SHROOM3: variants seen among roughly 807,000 people sequenced by gnomAD.
SHROOM3 encodes the protein shroom family member 3.
In SHROOM3, 47 loss-of-function variants were observed where a neutral mutation model predicts 138.6. The ratio of observed to expected loss-of-function variants is 0.34; its 90% CI spans 0.27 to 0.43. The LOEUF (loss-of-function observed/expected upper bound fraction) is 0.43, where lower values mean the gene tolerates loss of function less well. Among genes scored for constraint, SHROOM3 ranks in the 20% least tolerant of loss-of-function variants. SHROOM3 has a pLI of 1.00. For missense variants in SHROOM3, 2,491 were observed against 2,596.5 expected (o/e 0.96, Z 0.88); for synonymous variants, 1,062 against 1,063.3 (o/e 1.00, Z 0.02).
chr4:76,759,148 C>T (rs890051178), intron 8 of SHROOM3, among the ~76,000 whole-genome samples: 2 of 152,156 alleles, frequency 1.3e-5, no homozygotes, highest in African/African-American at 4.8e-5. Context: ...GACCTAAAAC[C>T]TGAGGTTTGT....
At chr4:76,460,502 A>T (rs1731118222) in intron 1 of SHROOM3, among the ~76,000 whole-genome samples, 1 of 152,178 alleles carries the variant, frequency 6.6e-6, no homozygotes, top group African/African-American at 2.4e-5. Context: ...AAAATGCCGC[A>T]GACTGGGTAG....
intron 3 of SHROOM3, among the ~76,000 whole-genome samples, chr4:76,718,962 G>T (rs913945521): frequency 2.6e-5 from 4 of 152,142 alleles, no homozygotes; most frequent in Non-Finnish European, 4.4e-5. Flanking sequence ...AAGGAGGAAG[G>T]TTTCCTGCTT....
In SHROOM3 at chr4:76,756,462, T is replaced by C. The variant is rs1408013627; in HGVS notation, c.4723T>C (p.Ser1575Pro). The part of the protein sequence containing the change: ...EGPRPSFNKL[S>P]KVTIARERHM... ...TATCCCTGGCAGCTTCAACAAACTT[T>C]CTAAAGTGACAATTGCAAGGGAAAG... The change falls in exon 8 of 11, where the codon TCT becomes CCT. Residue 1575 changes from serine (S) to proline (P), a missense_variant. Around this residue, in one of 4 missense-constraint regions of SHROOM3, gnomAD observed 470 missense variants for 595.0 expected, o/e 0.79. Transcript: ENST00000296043. The C allele has an allele frequency of 5.0e-6, 8 of 1,612,384 alleles. No homozygotes were observed. Among genetic ancestry groups the C allele is most frequent in the Middle Eastern group, 1.7e-4 (1 of 5,934 alleles).
chr4:76,556,981 A>G (rs1395679581), intron 2 of SHROOM3, among the ~76,000 whole-genome samples: 1 of 152,142 alleles, frequency 6.6e-6, no homozygotes, highest in Non-Finnish European at 1.5e-5. Context: ...TCTGGTGGTC[A>G]GTGATGCAGA....
At chr4:76,638,518 T>C (rs1250755052) in intron 2 of SHROOM3, among the ~76,000 whole-genome samples, 1 of 152,160 alleles carries the variant, frequency 6.6e-6, no homozygotes, top group Non-Finnish European at 1.5e-5. Flanking sequence ...TGCTGCATTA[T>C]GCCTGAGTGA....
At chr4:76,772,093 TTTTC>T (rs1722379756) in intron 10 of SHROOM3, among the ~76,000 whole-genome samples, 6 of 141,896 alleles carry the variant, frequency 4.2e-5, no homozygotes, top group South Asian at 2.3e-4. Context: ...CTACCATCTT[TTTTC>T]TTTTTCTTTT....
Position 76,562,854 on chromosome 4 carries a change from A to G in SHROOM3, c.323+7091A>G, listed in dbSNP as rs148299944. Among the ~76,000 whole-genome samples, 881 of 152,378 alleles carry G rather than the reference A, an allele frequency of 5.8e-3. 4 individuals are homozygous for G. Among genetic ancestry groups the G allele is most frequent in the African/African-American group, 0.02 (835 of 41,594 alleles). ...CAGAACTCCCTATTTTTAAGGCAAT[A>G]AAGTTGACAGGAAGGGTTGAAACTT... On this transcript the variant is annotated intron_variant, in intron 2 of 10. Coordinates refer to ENST00000296043, the MANE Select transcript of SHROOM3 (RefSeq NM_020859.4).
chr4:76,756,238 G>A (rs556839865), intron 7 of SHROOM3, among the ~76,000 whole-genome samples: 3 of 152,106 alleles, frequency 2.0e-5, no homozygotes, highest in East Asian at 1.9e-4. Context: ...TTTTAGTTTC[G>A]GGGTTCAGTA....
chr4:76,487,575 T>TTGGAACACAGACAGTATTCA (rs1560521585), intron 1 of SHROOM3, among the ~76,000 whole-genome samples: 1 of 152,102 alleles, frequency 6.6e-6, no homozygotes, highest in African/African-American at 2.4e-5. Flanking sequence ...GGCTGGTAAT[T>TTGGAACACAGACAGTATTCA]CTGGGTCCTG....
At chr4:76,608,755 AGGT>A (rs1734702985) in intron 2 of SHROOM3, among the ~76,000 whole-genome samples, 1 of 150,148 alleles carries the variant, frequency 6.7e-6, no homozygotes, top group African/African-American at 2.5e-5. Flanking sequence ...GCACAGTGTC[AGGT>A]TAGAAGGCCT....
chr4:76,657,534 A>G (rs1214091636), intron 2 of SHROOM3, among the ~76,000 whole-genome samples: 1 of 152,176 alleles, frequency 6.6e-6, no homozygotes, highest in Non-Finnish European at 1.5e-5. Flanking sequence ...ACATTTTTAA[A>G]TGGAATATCT....
intron 2 of SHROOM3, among the ~76,000 whole-genome samples, chr4:76,611,837 C>T (rs551541999): frequency 6.6e-6 from 1 of 152,342 alleles, no homozygotes; most frequent in African/African-American, 2.4e-5. Context: ...TCTGGAGTTT[C>T]TGGCGAATCA....
At chr4:76,618,864 G>A (rs762187213) in intron 2 of SHROOM3, among the ~76,000 whole-genome samples, 1 of 152,022 alleles carries the variant, frequency 6.6e-6, no homozygotes, top group Non-Finnish European at 1.5e-5. Flanking sequence ...ATTGTATTTA[G>A]TTCTCATGTC....
At chr4:76,468,820 A>G (rs999573856) in intron 1 of SHROOM3, among the ~76,000 whole-genome samples, 1 of 152,046 alleles carries the variant, frequency 6.6e-6, no homozygotes, top group Admixed American at 6.5e-5. Context: ...ACCAGAGGTC[A>G]GGAGTTTGAT....
intron 1 of SHROOM3, among the ~76,000 whole-genome samples, chr4:76,489,711 G>A (rs564853783): frequency 6.6e-6 from 1 of 152,106 alleles, no homozygotes; most frequent in African/African-American, 2.4e-5. Flanking sequence ...GCCAAGAATG[G>A]TGCTACACTT....
chr4:76,523,887 C>G (rs911993916), intron 1 of SHROOM3, among the ~76,000 whole-genome samples: 1 of 152,092 alleles, frequency 6.6e-6, no homozygotes, highest in East Asian at 1.9e-4. Flanking sequence ...ATGGTGGTGC[C>G]GAGGCTGGAG....
intron 2 of SHROOM3, among the ~76,000 whole-genome samples, chr4:76,557,852 A>C (rs1409977284): frequency 6.6e-6 from 1 of 151,998 alleles, no homozygotes. Context: ...TTATTGGCCA[A>C]CTCTAGGCAT....
At chr4:76,639,799 A>G (rs1029850660) in intron 2 of SHROOM3, among the ~76,000 whole-genome samples, 1 of 152,138 alleles carries the variant, frequency 6.6e-6, no homozygotes, top group African/African-American at 2.4e-5. Context: ...CACAAGAATA[A>G]AATGAATGTT....
chr4:76,530,709 A>G (rs534617590), intron 1 of SHROOM3, among the ~76,000 whole-genome samples: 1 of 152,324 alleles, frequency 6.6e-6, no homozygotes, highest in Non-Finnish European at 1.5e-5. Flanking sequence ...GACAGATCAC[A>G]TGAGATCTTT....
Sources: allele counts gnomAD v4.1 joint callset (sites outside exome capture counted in the v4.1 genomes callset), GRCh38; gene constraint gnomAD v4.1.1; regional missense constraint gnomAD v4.1.1; transcripts MANE v1.5; gene names NCBI Gene and HGNC (gene_info 2026-07-23, HGNC 2026-07-21).